GET3: variants seen among roughly 807,000 people sequenced by gnomAD.
GET3 encodes the protein guided entry of tail-anchored proteins factor 3, ATPase, also known as ATPase GET3.
A neutral mutation model predicts 32.4 loss-of-function variants in GET3; 15 were observed. That is an observed-to-expected ratio of 0.46 (90% confidence interval 0.31 to 0.71). The LOEUF is 0.71. GET3 is among the 30% of genes least tolerant of loss of function. The probability of loss-of-function intolerance (pLI) is 0.05; values close to 1 mark genes in which losing one functional copy is unlikely to be tolerated. For synonymous variants in GET3, 198 were observed against 185.6 expected (o/e 1.07, Z -0.54); for missense variants, 333 against 459.0 (o/e 0.73, Z 2.51).
At chr19:12,743,180 TAAAG>T (rs1967701117) in intron 2 of GET3, among the ~76,000 whole-genome samples, 1 of 152,008 alleles carries the variant, frequency 6.6e-6, no homozygotes, top group East Asian at 1.9e-4. Context: ...AGGAGGAAGA[TAAAG>T]AGGGAGGCAT....
At chr19:12,738,476 C>T in intron 1 of GET3, 35 bp from the exon 2 acceptor site, 2 of 1,612,394 alleles carry the variant, frequency 1.2e-6, no homozygotes, top group Non-Finnish European at 1.7e-6. Flanking sequence ...AGCCCATCCC[C>T]TCATCCCCTA....
chr19:12,737,418 C>T, upstream of GET3: 1 of 1,366,052 alleles, frequency 7.3e-7, no homozygotes, highest in Non-Finnish European at 9.5e-7. Context: ...AACTCATGCT[C>T]CTAGCTTCGC....
In GET3 at chr19:12,747,216, TG is replaced by T; in HGVS notation, c.634del (p.Asp212ThrfsTer2). 1 of 1,608,810 alleles carries T rather than the reference TG, an allele frequency of 6.2e-7. No individual in the cohort carries two copies. Among genetic ancestry groups the T allele is most frequent in the Non-Finnish European group, 8.5e-7 (1 of 1,177,462 alleles). On this transcript the variant is annotated frameshift_variant, in exon 5 of 7. Coordinates refer to ENST00000357332, the MANE Select transcript of GET3 (RefSeq NM_004317.4). LOFTEE classifies it high-confidence loss of function. The surrounding 1 kb of genome is among the most constrained non-coding windows in gnomAD (Gnocchi z 4.0). ...CTGCAGATGTGCAACATGCTGGGCCTGGGGGACATGAACGCAGACCAGCTGG... is the reference window on the plus strand; with the variant it reads ...CTGCAGATGTGCAACATGCTGGGCCTGGGGACATGAACGCAGACCAGCTGG... Reference protein sequence around the residue: ...FISQMCNMLGLGDMNADQLAS... With the variant: ...FISQMCNMLGXGDMNADQLAS...
upstream of GET3, chr19:12,737,387 A>G: frequency 2.4e-6 from 3 of 1,259,342 alleles, no homozygotes; most frequent in East Asian, 2.9e-5. Context: ...TTTCTCCTAA[A>G]AGGCAAGTAA....
At chr19:12,740,306 C>T (rs1325301300) in intron 2 of GET3, among the ~76,000 whole-genome samples, 2 of 149,266 alleles carry the variant, frequency 1.3e-5, no homozygotes, top group East Asian at 4.0e-4. Context: ...GCGTGAACCC[C>T]GGAGGCGGAG....
chr19:12,745,694 A>G lies in GET3; in HGVS notation c.544A>G (p.Ile182Val), dbSNP rs1967759198. 3 of 1,612,760 alleles carry G rather than the reference A, an allele frequency of 1.9e-6. No individual in the cohort carries two copies. The highest frequency in any genetic ancestry group is 1.7e-5 in the Admixed American group (1 of 59,980). The change falls in exon 4 of 7, where the codon ATC (isoleucine) becomes GTC (valine). Residue 182 changes from isoleucine to valine, a missense_variant. Coordinates refer to ENST00000357332, the MANE Select transcript of GET3 (RefSeq NM_004317.4). This position sits in a 1 kb window ranked among gnomAD's most constrained non-coding sequence, Gnocchi z 5.0. ...HTLRLLNFPT[I>V]VERGLGRLMQ... Reference sequence around the variant, plus strand: ...CCTGAGGCTGCTCAACTTCCCCACCATCGTGGAGCGGGGCCTGGGCCGGCT... The same window carrying G: ...CCTGAGGCTGCTCAACTTCCCCACCGTCGTGGAGCGGGGCCTGGGCCGGCT...
chr19:12,739,485 A>C (rs1022825665), intron 2 of GET3, among the ~76,000 whole-genome samples: 1 of 152,204 alleles, frequency 6.6e-6, no homozygotes, highest in African/African-American at 2.4e-5. Context: ...TTTTGGAAGT[A>C]AACCAGTAAG....
Position 12,745,632 on chromosome 19 carries a change from CG to C in GET3, c.484del (p.Val162TrpfsTer13). The C allele has an allele frequency of 6.2e-7, 1 of 1,612,650 alleles. No homozygotes were observed. Among genetic ancestry groups the C allele is most frequent in the Non-Finnish European group, 8.5e-7 (1 of 1,179,972 alleles). On this transcript the variant is annotated frameshift_variant, in exon 4 of 7. Transcript: ENST00000357332. LOFTEE classifies it high-confidence loss of function. The surrounding 1 kb of genome is among the most constrained non-coding windows in gnomAD (Gnocchi z 5.0). ...VMRLVKGMNF[S>X]VVVFDTAPTG... ...AGGCTGGTGAAGGGCATGAACTTCT[CG>C]GTGGTGGTATTTGACACGGCACCCA...
upstream of GET3, chr19:12,737,287 C>G: frequency 1.7e-6 from 1 of 590,080 alleles, no homozygotes. Flanking sequence ...CCGATGTGTT[C>G]ATTAGGTAGG....
intron 2 of GET3, among the ~76,000 whole-genome samples, chr19:12,744,673 G>T (rs1568349288): frequency 6.6e-6 from 1 of 152,156 alleles, no homozygotes; most frequent in South Asian, 2.1e-4. Flanking sequence ...CATGCTAAGC[G>T]CTAAGGACAC....
intron 2 of GET3, among the ~76,000 whole-genome samples, chr19:12,744,673 G>A (rs1568349288): frequency 6.6e-6 from 1 of 152,156 alleles, no homozygotes; most frequent in South Asian, 2.1e-4. Flanking sequence ...CATGCTAAGC[G>A]CTAAGGACAC....
chr19:12,738,752 T>C lies in GET3; in HGVS notation c.309+94T>C, dbSNP rs1007801064. 13 of 1,482,326 alleles carry C rather than the reference T, an allele frequency of 8.8e-6. No homozygotes were observed. The African/African-American group carries it at 1.8e-4, about 21-fold the overall frequency. The allele number at this position is 1,482,326 out of a possible 1,614,324, so 91.8% of individuals were successfully genotyped here. ...CCAGCAGCCACCGTGTCCTATCCAC[T>C]CTATATCCTGTGTCTCTCGTGTTTC... On this transcript the variant is annotated intron_variant, in intron 2 of 6. Coordinates refer to ENST00000357332, the MANE Select transcript of GET3 (RefSeq NM_004317.4).
Position 12,738,720 on chromosome 19 carries a change from G to C in GET3, c.309+62G>C, listed in dbSNP as rs1045136876. On this transcript the variant is annotated intron_variant, in intron 2 of 6. Coordinates refer to ENST00000357332, the MANE Select transcript of GET3 (RefSeq NM_004317.4). ...AAGCCTCTTCCAGCCTTTCTTGTGC[G>C]CACACACCAGCAGCCACCGTGTCCT... The C allele has an allele frequency of 2.5e-6, 4 of 1,598,256 alleles. No homozygotes were observed. In the East Asian group the frequency reaches 8.9e-5, roughly 36 times the overall value.
At position 12,748,306 on chromosome 19, in the gene GET3, A is replaced by T. The variant is rs1200066639; in HGVS notation, c.*202A>T. ...CCTCTCCCACCTCTTGCTCTTCAAT[A>T]AAATGATCTTAAACTGCTGTATTGT... On this transcript the variant is annotated 3_prime_UTR_variant, in exon 7 of 7. Coordinates refer to ENST00000357332, the MANE Select transcript of GET3 (RefSeq NM_004317.4). The T allele has an allele frequency of 4.0e-6, 2 of 501,286 alleles. No individual in the cohort carries two copies. The highest frequency in any genetic ancestry group is 3.9e-5 in the African/African-American group (2 of 51,736). The allele number at this position is 501,286 out of a possible 1,614,324, so 31.1% of individuals were successfully genotyped here.
intron 2 of GET3, among the ~76,000 whole-genome samples, chr19:12,738,948 T>A (rs1967618343): frequency 6.6e-6 from 1 of 152,212 alleles, no homozygotes; most frequent in Admixed American, 6.5e-5. Flanking sequence ...TGGCATTGAC[T>A]CCAGGTTATT....
intron 1 of GET3, 52 bp from the exon 2 acceptor site, chr19:12,738,459 G>C (rs1454220884): frequency 1.4e-5 from 23 of 1,604,840 alleles, no homozygotes; most frequent in Non-Finnish European, 1.9e-5. Context: ...GCAGACCCAG[G>C]GAACAGAGCC....
At chr19:12,737,704 A>ATATCCTACACAGTGTAGG (rs764373679) in intron 1 of GET3, 38 bp downstream of exon 1, 13 of 1,575,162 alleles carry the variant, frequency 8.3e-6, no homozygotes, top group Non-Finnish European at 1.1e-5. Context: ...GGCGTGTAGG[A>ATATCCTACACAGTGTAGG]TATACCACTG....
chr19:12,741,378 C>T (rs1159649721), intron 2 of GET3, among the ~76,000 whole-genome samples: 3 of 151,678 alleles, frequency 2.0e-5, no homozygotes, highest in East Asian at 1.9e-4. Context: ...ATGGCGTGAA[C>T]GCGGGAGGTG....
intron 4 of GET3, among the ~76,000 whole-genome samples, chr19:12,746,532 G>A (rs1049854110): frequency 2.0e-5 from 3 of 152,194 alleles, no homozygotes; most frequent in East Asian, 3.8e-4. Context: ...GGGTGTGTGC[G>A]TGTCCCCTGT....
Sources: allele counts gnomAD v4.1 joint callset (sites outside exome capture counted in the v4.1 genomes callset), GRCh38; gene constraint gnomAD v4.1.1; non-coding constraint Gnocchi (gnomAD v3.1); transcripts MANE v1.5; gene names NCBI Gene and HGNC (gene_info 2026-07-23, HGNC 2026-07-21).